The following PAICS variants were observed in gnomAD, a reference collection of about 807,000 sequenced individuals.
The protein encoded by PAICS is phosphoribosylaminoimidazole carboxylase and phosphoribosylaminoimidazolesuccinocarboxamide synthase.
PAICS carries 33 observed loss-of-function variants against 53.7 expected under a neutral mutation model. The ratio of observed to expected loss-of-function variants is 0.61; its 90% CI spans 0.47 to 0.82. PAICS has a LOEUF of 0.82. Among genes scored for constraint, PAICS ranks in the 40% least tolerant of loss-of-function variants. The pLI is 0.00. For missense variants in PAICS, 394 were observed against 494.1 expected, an observed-to-expected ratio of 0.80 and a Z score of 1.92; for synonymous variants, 141 against 167.2, an observed-to-expected ratio of 0.84 and a Z score of 1.21.
At chr4:56,459,059 G>T (rs930123521) in intron 8 of PAICS, among the ~76,000 whole-genome samples, 3 of 152,308 alleles carry the variant, frequency 2.0e-5, no homozygotes, top group East Asian at 3.9e-4. Flanking sequence ...GCCAGGGATT[G>T]AAAGGGATAG....
intron 1 of PAICS, among the ~76,000 whole-genome samples, chr4:56,439,225 G>A (rs1718208837): frequency 6.6e-6 from 1 of 151,932 alleles, no homozygotes; most frequent in Non-Finnish European, 1.5e-5. Flanking sequence ...TCTGATCTGG[G>A]CACTGTTTTT....
upstream of PAICS, chr4:56,435,394 A>C (rs1362062894): frequency 6.2e-7 from 1 of 1,613,408 alleles, no homozygotes; most frequent in Non-Finnish European, 8.5e-7. Flanking sequence ...CATGCGGTAC[A>C]TCCAGCTGCG....
At chr4:56,424,557 C>G in the PAICS span, among the ~76,000 whole-genome samples, 345 of 152,292 alleles carry the variant, frequency 2.3e-3, 2 homozygotes, top group African/African-American at 7.8e-3. Context: ...ACTGCTCAGG[C>G]TATTCCTATT....
At chr4:56,440,301 A>T (rs11133442) in intron 1 of PAICS, among the ~76,000 whole-genome samples, 25,698 of 152,146 alleles carry the variant, frequency 0.17, 2,521 homozygotes, top group Admixed American at 0.32. Flanking sequence ...GGACTTTTAA[A>T]CCATGTTAAT....
At chr4:56,423,747 C>T in the PAICS span, among the ~76,000 whole-genome samples, 2 of 151,760 alleles carry the variant, frequency 1.3e-5, no homozygotes, top group African/African-American at 4.8e-5. Flanking sequence ...AATGCATAGT[C>T]ATCCTAGAGA....
At chr4:56,410,550 AG>A in the PAICS span, 1 of 986,524 alleles carries the variant, frequency 1.0e-6, no homozygotes, top group South Asian at 4.7e-5. Flanking sequence ...TGGACTGAGG[AG>A]GAGGTTAAAG....
the PAICS span, among the ~76,000 whole-genome samples, chr4:56,429,634 C>T: frequency 1.3e-5 from 2 of 152,290 alleles, no homozygotes; most frequent in East Asian, 3.9e-4. Context: ...AATAATCCAG[C>T]TTTAATGCCT....
chr4:56,410,680 C>A, the PAICS span: 1 of 986,216 alleles, frequency 1.0e-6, no homozygotes, highest in Non-Finnish European at 1.2e-6. Flanking sequence ...TATACAGAGA[C>A]TGGAAACAGT....
chr4:56,441,638 G>A (rs189134562), intron 1 of PAICS, 25 bp from the exon 2 acceptor site: 4 of 1,242,468 alleles, frequency 3.2e-6, no homozygotes, highest in Non-Finnish European at 4.4e-6. Context: ...CTGAATTTTG[G>A]TCTATTTCCA....
the PAICS span, among the ~76,000 whole-genome samples, chr4:56,426,890 A>G: frequency 1.3e-5 from 2 of 152,202 alleles, no homozygotes. Context: ...CCATTAAACA[A>G]TAACTCCTCC....
At chr4:56,453,546 CT>C (rs1333400142) in intron 7 of PAICS, 56 bp from the exon 8 acceptor site, 19 of 1,250,048 alleles carry the variant, frequency 1.5e-5, no homozygotes, top group Non-Finnish European at 1.7e-5. Context: ...AAAAAAAACC[CT>C]GTCTTTAAAT....
intron 2 of PAICS, among the ~76,000 whole-genome samples, chr4:56,443,498 A>AT (rs113021519): frequency 1.7e-3 from 245 of 147,910 alleles, no homozygotes; most frequent in Non-Finnish European, 2.9e-3. Context: ...TGTTCCATCG[A>AT]TTTTTTTTTT....
the PAICS span, among the ~76,000 whole-genome samples, chr4:56,418,768 T>C: frequency 6.6e-6 from 1 of 152,134 alleles, no homozygotes; most frequent in African/African-American, 2.4e-5. Context: ...AAACACAAGA[T>C]TGGTTGTCAA....
intron 2 of PAICS, 190 bp from the exon 3 acceptor site, chr4:56,446,505 G>A (rs1175444075): frequency 1.5e-5 from 10 of 664,114 alleles, no homozygotes; most frequent in Non-Finnish European, 2.5e-5. Context: ...TACATTGTAT[G>A]TATAGTCATG....
intron 7 of PAICS, among the ~76,000 whole-genome samples, 153 bp downstream of exon 7, chr4:56,452,205 G>A (rs1718955046): frequency 6.6e-6 from 1 of 152,004 alleles, no homozygotes; most frequent in African/African-American, 2.4e-5. Context: ...TTGAGATGGA[G>A]TCTCACTCTG....
intron 3 of PAICS, 95 bp from the exon 4 acceptor site, chr4:56,448,320 TAAG>T (rs1718722185): frequency 3.3e-5 from 27 of 827,450 alleles, no homozygotes; most frequent in Middle Eastern, 2.4e-4. Context: ...TAAAAATTTC[TAAG>T]GAGTTCATGC....
chr4:56,429,722 A>T, the PAICS span, among the ~76,000 whole-genome samples: 1 of 152,198 alleles, frequency 6.6e-6, no homozygotes, highest in Non-Finnish European at 1.5e-5. Flanking sequence ...TACAAAGTAG[A>T]CACACCAAAT....
rs1396333412 is a variant in PAICS at position 56,462,345 on chromosome 4, C to A, written c.*2807C>A. The A allele has an allele frequency of 6.6e-6, 1 of 152,188 alleles. No homozygotes were observed. Among genetic ancestry groups the A allele is most frequent in the African/African-American group, 2.4e-5 (1 of 41,450 alleles). The allele number at this position is 152,188 out of a possible 1,614,324, so 9.4% of individuals were successfully genotyped here. On this transcript the variant is annotated 3_prime_UTR_variant, in exon 9 of 9. Coordinates refer to ENST00000512576, the MANE Select transcript of PAICS (RefSeq NM_001079524.2). Reference sequence around the variant, plus strand: ...TGGAAGACAATATAAGCAAAGGCTACATCACTTAGGGCCTATAGGCCACAC... The same window carrying A: ...TGGAAGACAATATAAGCAAAGGCTAAATCACTTAGGGCCTATAGGCCACAC...
At position 56,439,113 on chromosome 4, in the gene PAICS, G is replaced by A. The variant is rs552836772; in HGVS notation, c.17-2550G>A. On this transcript the variant is annotated intron_variant, in intron 1 of 8. Transcript: ENST00000512576. Reference sequence around the variant, plus strand: ...AATTCAAATTCCTTCCCTCTTTAATGACTAAGTAATACAGATTCAACTAAA... The same window carrying A: ...AATTCAAATTCCTTCCCTCTTTAATAACTAAGTAATACAGATTCAACTAAA... Among the ~76,000 whole-genome samples the A allele has an allele frequency of 3.0e-4, 46 of 152,206 alleles. 1 individual carries two copies. The South Asian group carries it at 6.8e-3, about 23-fold the overall frequency.
Sources: gnomAD v4.1 joint callset for allele counts (sites outside exome capture counted in the v4.1 genomes callset) on GRCh38, gnomAD v4.1.1 for gene constraint, MANE v1.5 for transcripts, NCBI Gene and HGNC (gene_info 2026-07-23, HGNC 2026-07-21) for gene names.